PTPRT: variants seen among roughly 807,000 people sequenced by gnomAD.
PTPRT encodes protein tyrosine phosphatase receptor type T.
In PTPRT, 56 loss-of-function variants were observed where a neutral mutation model predicts 176.8. That is an observed-to-expected ratio of 0.32 (90% CI 0.26 to 0.40). The LOEUF (loss-of-function observed/expected upper bound fraction) is 0.40. Among genes scored for constraint, PTPRT ranks in the 10% least tolerant of loss-of-function variants. The pLI, the probability that PTPRT is intolerant of heterozygous loss-of-function variation, is 1.00. For synonymous variants in PTPRT, 783 were observed against 739.0 expected, an observed-to-expected ratio of 1.06 and a Z score of -0.96; for missense variants, 1,540 against 1,908.2, an observed-to-expected ratio of 0.81 and a Z score of 3.60.
At chr20:42,203,026 C>T (rs554516474) in intron 15 of PTPRT, among the ~76,000 whole-genome samples, 1 of 152,252 alleles carries the variant, frequency 6.6e-6, no homozygotes, top group Admixed American at 6.5e-5. Context: ...GTAAAAATAT[C>T]AGATATATTA....
In PTPRT at chr20:43,089,902, T is replaced by C. The variant is rs6130294; in HGVS notation, c.88+99744A>G. Reference sequence around the variant, plus strand: ...CAAGAAGGTGCTTAAATTTCCAGAGTGGGGATTATCACCCCAAAATATGTT... The same window carrying C: ...CAAGAAGGTGCTTAAATTTCCAGAGCGGGGATTATCACCCCAAAATATGTT... On this transcript the variant is annotated intron_variant, in intron 1 of 30. Transcript: ENST00000373187. 2.6e-4 allele frequency among the ~76,000 whole-genome samples: 39 copies of C among 152,160 alleles called. No homozygotes were observed. The East Asian group carries it at 7.3e-3, about 29-fold the overall frequency.
intron 1 of PTPRT, among the ~76,000 whole-genome samples, chr20:43,129,809 G>A (rs1375138742): frequency 2.0e-5 from 3 of 151,128 alleles, no homozygotes; most frequent in African/African-American, 4.9e-5. Context: ...TAGTAGAGAC[G>A]GGGTTTCACC....
chr20:42,285,727 GAAAA>G (rs963913251), intron 12 of PTPRT, among the ~76,000 whole-genome samples: 1 of 146,426 alleles, frequency 6.8e-6, no homozygotes, highest in African/African-American at 2.5e-5. Context: ...ATCCAAATTG[GAAAA>G]AAAAAAGTCA....
In PTPRT at chr20:42,840,332, C is replaced by T. The variant is rs146425062; in HGVS notation, c.214+45475G>A. On this transcript the variant is annotated intron_variant, in intron 2 of 30. Transcript: ENST00000373187. ...ACTTAACTAATTACATCTGCAATGACGGTATTTCCAAATAAGGTCACAATC... is the reference window on the plus strand; with the variant it reads ...ACTTAACTAATTACATCTGCAATGATGGTATTTCCAAATAAGGTCACAATC... 3.9e-3 allele frequency among the ~76,000 whole-genome samples: 599 copies of T among 152,226 alleles called. 2 individuals are homozygous for T. Among genetic ancestry groups the T allele is most frequent in the Middle Eastern group, 0.034 (10 of 294 alleles).
chr20:43,038,370 T>G (rs566721057), intron 1 of PTPRT, among the ~76,000 whole-genome samples: 1 of 152,328 alleles, frequency 6.6e-6, no homozygotes, highest in Non-Finnish European at 1.5e-5. Context: ...AGAAATTTAG[T>G]CATACAATTT....
chr20:43,085,191 T>G (rs574768159), intron 1 of PTPRT, among the ~76,000 whole-genome samples: 1 of 152,152 alleles, frequency 6.6e-6, no homozygotes, highest in Non-Finnish European at 1.5e-5. Flanking sequence ...GAGGCATGGA[T>G]GCACAGCTGT....
intron 2 of PTPRT, among the ~76,000 whole-genome samples, chr20:42,874,764 G>A (rs1166093037): frequency 6.6e-6 from 1 of 152,156 alleles, no homozygotes; most frequent in Non-Finnish European, 1.5e-5. Flanking sequence ...AGTATTAAAC[G>A]ATGTAAAAAC....
At chr20:42,848,870 G>A (rs2078422797) in intron 2 of PTPRT, among the ~76,000 whole-genome samples, 1 of 152,084 alleles carries the variant, frequency 6.6e-6, no homozygotes, top group Non-Finnish European at 1.5e-5. Context: ...TGGGTTCTTG[G>A]TCATGAAGTC....
intron 1 of PTPRT, among the ~76,000 whole-genome samples, chr20:43,158,477 A>G (rs957471824): frequency 2.6e-5 from 4 of 152,248 alleles, no homozygotes; most frequent in African/African-American, 9.6e-5. Context: ...CTTTAATGCA[A>G]TATTTACCAA....
chr20:42,161,570 C>A (rs546667606), intron 16 of PTPRT, 28 bp from the exon 17 acceptor site: 11 of 1,570,128 alleles, frequency 7.0e-6, no homozygotes, highest in Non-Finnish European at 9.5e-6. Flanking sequence ...CAGAACAGAT[C>A]ATCACCTATA....
intron 11 of PTPRT, among the ~76,000 whole-genome samples, chr20:42,333,917 G>C (rs904871387): frequency 6.6e-6 from 1 of 152,126 alleles, no homozygotes; most frequent in Non-Finnish European, 1.5e-5. Context: ...CTGACCTCAA[G>C]TGACCCGCCC....
chr20:42,646,551 A>C (rs1018365319), intron 7 of PTPRT, among the ~76,000 whole-genome samples: 4 of 152,070 alleles, frequency 2.6e-5, no homozygotes, highest in Non-Finnish European at 5.9e-5. Context: ...TGGATATTTC[A>C]ATTTAAATTC....
At chr20:42,522,911 T>A (rs1326900136) in intron 7 of PTPRT, among the ~76,000 whole-genome samples, 4 of 152,188 alleles carry the variant, frequency 2.6e-5, no homozygotes, top group Non-Finnish European at 5.9e-5. Context: ...TTCTCCTGTA[T>A]ATGGTATGCA....
chr20:42,649,902 CTA>C (rs772311848), intron 7 of PTPRT, among the ~76,000 whole-genome samples: 43 of 152,238 alleles, frequency 2.8e-4, no homozygotes, highest in Non-Finnish European at 5.0e-4. Flanking sequence ...TGCCTCAGGT[CTA>C]TGTTATCCAG....
intron 16 of PTPRT, among the ~76,000 whole-genome samples, chr20:42,187,168 T>C (rs6016713): frequency 0.35 from 53,600 of 152,002 alleles, 9,749 homozygotes; most frequent in Admixed American, 0.39. Context: ...CTACTGGGCA[T>C]ACCAAGTCAT....
At chr20:43,003,193 T>C (rs1984675756) in intron 1 of PTPRT, among the ~76,000 whole-genome samples, 1 of 152,134 alleles carries the variant, frequency 6.6e-6, no homozygotes, top group Non-Finnish European at 1.5e-5. Flanking sequence ...TTAATTTTAT[T>C]GATTTATTTT....
chr20:42,743,300 G>T (rs2076639148), intron 6 of PTPRT, among the ~76,000 whole-genome samples: 1 of 152,182 alleles, frequency 6.6e-6, no homozygotes, highest in African/African-American at 2.4e-5. Context: ...TTTTAAAAGA[G>T]AAGAGGCCAA....
chr20:42,258,576 A>G lies in PTPRT; in HGVS notation c.2177-9754T>C, dbSNP rs112840015. Among the ~76,000 whole-genome samples the G allele has an allele frequency of 2.1e-4, 32 of 152,268 alleles. 2 individuals are homozygous for G. The highest frequency in any genetic ancestry group is 6.5e-4 in the African/African-American group (27 of 41,554). ...GTGATTTTTTTCTGCTTTGTCTCCAATATTCTTTCTTTGATCTTGCTGTGA... is the reference window on the plus strand; with the variant it reads ...GTGATTTTTTTCTGCTTTGTCTCCAGTATTCTTTCTTTGATCTTGCTGTGA... On this transcript the variant is annotated intron_variant, in intron 13 of 30. Transcript: ENST00000373187.
intron 7 of PTPRT, among the ~76,000 whole-genome samples, chr20:42,659,565 A>G (rs1423906191): frequency 6.6e-6 from 1 of 152,188 alleles, no homozygotes; most frequent in African/African-American, 2.4e-5. Context: ...GGTCTTTCCC[A>G]GCCTGTGGGA....
Sources: allele counts gnomAD v4.1 joint callset (sites outside exome capture counted in the v4.1 genomes callset), GRCh38; gene constraint gnomAD v4.1.1; transcripts MANE v1.5; gene names NCBI Gene and HGNC (gene_info 2026-07-23, HGNC 2026-07-21).